LARGE1: variants seen among roughly 807,000 people sequenced by gnomAD.
LARGE1 encodes the protein LARGE xylosyl- and glucuronyltransferase 1.
Under a neutral mutation model 87.6 loss-of-function variants are expected in LARGE1, and 43 were observed. The observed-to-expected ratio is 0.49, with a 90% CI of 0.38 to 0.63. The LOEUF is 0.63. Among genes scored for constraint, LARGE1 ranks in the 30% least tolerant of loss-of-function variants. The pLI, the probability that LARGE1 is intolerant of heterozygous loss-of-function variation, is 0.00. For synonymous variants in LARGE1, 434 were observed against 394.6 expected (o/e 1.10, Z -1.18); for missense variants, 802 against 1,000.2 (o/e 0.80, Z 2.67).
rs3072359 is a variant in LARGE1, at chr22:33,865,832, C to CTTTTTTTTTTTTTTTTTTTT, written c.-83+54143_-83+54162dup. The stretch of plus-strand genomic sequence containing the variant: ...TAAGCATTCAATGTTAGCTGTTATT[C>CTTTTTTTTTTTTTTTTTTTT]TTTTTTTTTTTTTTTTTTTTTTTTT... On this transcript the variant is annotated intron_variant, in intron 1 of 14. Coordinates refer to ENST00000397394, the MANE Select transcript of LARGE1 (RefSeq NM_133642.5). 1.1e-4 allele frequency among the ~76,000 whole-genome samples: 3 copies of CTTTTTTTTTTTTTTTTTTTT among 28,396 alleles called. 1 individual carries two copies. The highest frequency in any genetic ancestry group is 3.2e-4 in the African/African-American group (3 of 9,352). The allele number at this position is 28,396 out of a possible 152,430, so 18.6% of individuals were successfully genotyped here.
chr22:33,673,181 A>G (rs545828542), intron 2 of LARGE1, among the ~76,000 whole-genome samples: 3 of 152,296 alleles, frequency 2.0e-5, no homozygotes. Context: ...AGTCTGAAGC[A>G]GGAGAATTGC....
chr22:33,296,670 G>A (rs1269492987), intron 12 of LARGE1, among the ~76,000 whole-genome samples: 1 of 150,830 alleles, frequency 6.6e-6, no homozygotes, highest in Non-Finnish European at 1.5e-5. Flanking sequence ...CGAGGTTCAA[G>A]CGATTTTCCT....
intron 11 of LARGE1, among the ~76,000 whole-genome samples, chr22:33,315,563 G>A (rs1381363816): frequency 1.3e-5 from 2 of 152,166 alleles, no homozygotes; most frequent in East Asian, 3.9e-4. Context: ...GATAAGGTAA[G>A]AGCCCTTGGT....
At chr22:33,780,827 T>C (rs553012050) in intron 1 of LARGE1, among the ~76,000 whole-genome samples, 2 of 152,320 alleles carry the variant, frequency 1.3e-5, no homozygotes, top group South Asian at 4.1e-4. Context: ...ACAGAGTAAG[T>C]CTCAGGCACC....
chr22:33,094,703 C>T, the LARGE1 span, among the ~76,000 whole-genome samples: 4 of 152,088 alleles, frequency 2.6e-5, no homozygotes, highest in Non-Finnish European at 4.4e-5. Context: ...GACTCTCTCC[C>T]GTGTTCTTTT....
At position 33,170,972 on chromosome 22, in the gene LARGE1, G is replaced by T. The variant is rs55782965; in HGVS notation, c.1731-4140C>A. ...CTTGTTGGATGGTTTTGACCAAAAT[G>T]CTGATAGTGATATGGACGATAAAGT... On this transcript the variant is annotated intron_variant, in intron 11 of 11. Transcript: ENST00000608642. 8.0e-3 allele frequency among the ~76,000 whole-genome samples: 1,219 copies of T among 152,304 alleles called. 7 individuals carry two copies. Among genetic ancestry groups the T allele is most frequent in the Middle Eastern group, 0.021 (6 of 292 alleles).
At chr22:33,568,157 TTGAG>T (rs1385829364) in intron 5 of LARGE1, among the ~76,000 whole-genome samples, 1 of 152,090 alleles carries the variant, frequency 6.6e-6, no homozygotes, top group Non-Finnish European at 1.5e-5. Context: ...GAATTGCTGT[TTGAG>T]TAAGGCCACC....
chr22:33,845,600 G>A (rs1350826924), intron 1 of LARGE1, among the ~76,000 whole-genome samples: 2 of 152,096 alleles, frequency 1.3e-5, no homozygotes, highest in Middle Eastern at 3.2e-3. Context: ...GAGCCACCAC[G>A]CCTGGCCTAT....
At chr22:33,335,171 G>A (rs546728133) in intron 10 of LARGE1, among the ~76,000 whole-genome samples, 1 of 152,330 alleles carries the variant, frequency 6.6e-6, no homozygotes, top group South Asian at 2.1e-4. Context: ...AAAATGTGCC[G>A]AATGGGCACT....
At position 33,366,487 on chromosome 22, in the gene LARGE1, T is replaced by C. The variant is rs534493082; in HGVS notation, c.1131+15432A>G. On this transcript the variant is annotated intron_variant, in intron 9 of 14. Transcript: ENST00000397394. ...ATCTATTAACATGCTGAATGACACG[T>C]GGATTTTTCAATGCTAAATCACTCT... is the stretch of plus-strand genomic sequence containing the variant. 8.9e-4 allele frequency among the ~76,000 whole-genome samples: 135 copies of C among 152,360 alleles called. 1 individual carries two copies. Among genetic ancestry groups the C allele is most frequent in the Middle Eastern group, 3.4e-3 (1 of 294 alleles).
intron 10 of LARGE1, among the ~76,000 whole-genome samples, chr22:33,335,889 C>T (rs1938382537): frequency 6.6e-6 from 1 of 152,222 alleles, no homozygotes; most frequent in South Asian, 2.1e-4. Context: ...GTAGCAGTTG[C>T]CACTGGCTGA....
intron 6 of LARGE1, among the ~76,000 whole-genome samples, chr22:33,561,542 G>A (rs2077862203): frequency 6.6e-6 from 1 of 152,178 alleles, no homozygotes; most frequent in African/African-American, 2.4e-5. Flanking sequence ...TAGCCACTCT[G>A]GTACTAGCAC....
At chr22:33,482,482 T>C (rs2148212553) in intron 6 of LARGE1, among the ~76,000 whole-genome samples, 1 of 152,254 alleles carries the variant, frequency 6.6e-6, no homozygotes, top group African/African-American at 2.4e-5. Flanking sequence ...GAAAACTACT[T>C]CCTGCATGTT....
At chr22:33,350,139 C>A (rs759448475) in intron 9 of LARGE1, among the ~76,000 whole-genome samples, 1 of 152,166 alleles carries the variant, frequency 6.6e-6, no homozygotes, top group Admixed American at 6.5e-5. Flanking sequence ...GGTCATGAAT[C>A]CATGAGACAA....
chr22:33,097,433 G>A, the LARGE1 span, among the ~76,000 whole-genome samples: 5 of 152,220 alleles, frequency 3.3e-5, no homozygotes, highest in Admixed American at 3.3e-4. Flanking sequence ...TTCACCAATT[G>A]CTATAAACAG....
At chr22:33,430,102 A>G (rs2067024066) in intron 7 of LARGE1, among the ~76,000 whole-genome samples, 1 of 152,182 alleles carries the variant, frequency 6.6e-6, no homozygotes, top group African/African-American at 2.4e-5. Flanking sequence ...TTAATCCTGA[A>G]GCCATTAAAG....
At chr22:33,285,538 C>T (rs112644355) in intron 12 of LARGE1, among the ~76,000 whole-genome samples, 10 of 152,184 alleles carry the variant, frequency 6.6e-5, no homozygotes, top group Non-Finnish European at 1.0e-4. Context: ...GCAGGAGAAT[C>T]GCTTGAACCT....
intron 1 of LARGE1, among the ~76,000 whole-genome samples, chr22:33,828,562 T>C (rs1234806929): frequency 6.6e-6 from 1 of 152,302 alleles, no homozygotes; most frequent in Middle Eastern, 3.4e-3. Context: ...CTTTGAAGCC[T>C]AGTGATGAAG....
At chr22:33,865,167 G>A (rs778576035) in intron 1 of LARGE1, among the ~76,000 whole-genome samples, 5 of 152,224 alleles carry the variant, frequency 3.3e-5, no homozygotes, top group Non-Finnish European at 7.3e-5. Context: ...ATAGCCCCAA[G>A]TCTAGCCCAG....
Sources: allele counts gnomAD v4.1 joint callset (sites outside exome capture counted in the v4.1 genomes callset), GRCh38; gene constraint gnomAD v4.1.1; transcripts MANE v1.5; gene names NCBI Gene and HGNC (gene_info 2026-07-23, HGNC 2026-07-21).